Variants in PHACTR2 observed in about 807,000 individuals in gnomAD.
PHACTR2 encodes phosphatase and actin regulator 2, also known as chromosome 6 open reading frame 56.
In PHACTR2, 30 loss-of-function variants were observed where a neutral mutation model predicts 76.0. The ratio of observed to expected loss-of-function variants is 0.39; its 90% CI spans 0.30 to 0.54. The LOEUF (loss-of-function observed/expected upper bound fraction) is 0.54, where lower values mean the gene tolerates loss of function less well. PHACTR2 is among the 20% of genes least tolerant of loss of function. The probability of loss-of-function intolerance (pLI) is 0.61; values close to 1 mark genes in which losing one functional copy is unlikely to be tolerated. For missense variants in PHACTR2, 696 were observed against 781.1 expected (o/e 0.89, Z 1.30); for synonymous variants, 292 against 292.5 (o/e 1.00, Z 0.02).
In PHACTR2 at chr6:143,585,722, G is replaced by A. The variant is rs1348718262; in HGVS notation, c.217+48515G>A. Among the ~76,000 whole-genome samples the A allele has an allele frequency of 6.6e-6, 1 of 152,216 alleles. No individual in the cohort carries two copies. Among genetic ancestry groups the A allele is most frequent in the Non-Finnish European group, 1.5e-5 (1 of 68,036 alleles). The stretch of plus-strand genomic sequence containing the variant: ...GCTCAAAAAATACCTGTGTGCGAAT[G>A]AACTCTGTGAGCAATTTTGTCCCCC... On this transcript the variant is annotated intron_variant, in intron 1 of 11. Coordinates refer to the PHACTR2 transcript ENST00000367584. This position sits in a 1 kb window ranked among gnomAD's most constrained non-coding sequence, Gnocchi z 5.2.
At chr6:143,635,163 A>T (rs1404404914) in intron 1 of PHACTR2, among the ~76,000 whole-genome samples, 1 of 152,172 alleles carries the variant, frequency 6.6e-6, no homozygotes, top group Non-Finnish European at 1.5e-5. Flanking sequence ...CCCAAATTAG[A>T]TTATACATAT....
intron 9 of PHACTR2, among the ~76,000 whole-genome samples, chr6:143,778,447 A>C (rs1775337911): frequency 1.3e-5 from 2 of 151,054 alleles, no homozygotes; most frequent in Admixed American, 1.3e-4. Flanking sequence ...CTATGGGATC[A>C]CTTTCTTTGG....
Position 143,584,457 on chromosome 6 carries a change from G to A in PHACTR2, c.217+47250G>A, listed in dbSNP as rs113097718. ...AAAGATAAAGAGTGGAACAAACAGCGCCTAATTCAAATAAGGCATCACATT... is the reference window on the plus strand; with the variant it reads ...AAAGATAAAGAGTGGAACAAACAGCACCTAATTCAAATAAGGCATCACATT... On this transcript the variant is annotated intron_variant, in intron 1 of 11. Coordinates refer to the PHACTR2 transcript ENST00000367584. Among the ~76,000 whole-genome samples the A allele has an allele frequency of 9.2e-3, 1,397 of 152,216 alleles. 25 individuals are homozygous for A. Among genetic ancestry groups the A allele is most frequent in the African/African-American group, 0.032 (1,338 of 41,530 alleles).
chr6:143,794,001 T>C lies in PHACTR2; in HGVS notation c.1845+5091T>C, dbSNP rs1333697123. On this transcript the variant is annotated intron_variant, in intron 11 of 12. Coordinates refer to ENST00000440869, the MANE Select transcript of PHACTR2 (RefSeq NM_001100164.2). This position sits in a 1 kb window ranked among gnomAD's most constrained non-coding sequence, Gnocchi z 4.1. ...ATTTAAGATGTTTATGTGTAGTATA[T>C]TGTATATACACAAGTGATGAATATT... 6.6e-6 allele frequency among the ~76,000 whole-genome samples: 1 copy of C among 152,034 alleles called. No homozygotes were observed. The highest frequency in any genetic ancestry group is 1.9e-4 in the East Asian group (1 of 5,202).
chr6:143,606,794 A>T (rs1351932822), upstream of PHACTR2, among the ~76,000 whole-genome samples: 2 of 152,208 alleles, frequency 1.3e-5, no homozygotes, highest in Non-Finnish European at 1.5e-5. Context: ...TTAAAAATAT[A>T]TAAAGATGAT....
chr6:143,597,625 A>G lies in PHACTR2; in HGVS notation c.217+60418A>G, dbSNP rs1488153978. On this transcript the variant is annotated intron_variant, in intron 1 of 11. Transcript: ENST00000367584. This position sits in a 1 kb window ranked among gnomAD's most constrained non-coding sequence, Gnocchi z 5.7. ...AGCCAGTGATAAAAGGATTAAGGAGATCTGATTCCCCCTTCAAACAATACA... is the reference window on the plus strand; with the variant it reads ...AGCCAGTGATAAAAGGATTAAGGAGGTCTGATTCCCCCTTCAAACAATACA... 6.6e-6 allele frequency among the ~76,000 whole-genome samples: 1 copy of G among 152,018 alleles called. No individual in the cohort carries two copies. The highest frequency in any genetic ancestry group is 2.4e-5 in the African/African-American group (1 of 41,368).
rs1335528010 is a variant in PHACTR2, at chr6:143,585,101, G to A, written c.217+47894G>A. On this transcript the variant is annotated intron_variant, in intron 1 of 11. Coordinates refer to the PHACTR2 transcript ENST00000367584. The surrounding 1 kb of genome is among the most constrained non-coding windows in gnomAD (Gnocchi z 5.2). ...GCAGCAATTATGGAGTTGTTGACGG[G>A]CAGGACCAAGGCCTGGCAGTAGACC... 6.6e-6 allele frequency among the ~76,000 whole-genome samples: 1 copy of A among 152,176 alleles called. No homozygotes were observed. Among genetic ancestry groups the A allele is most frequent in the Non-Finnish European group, 1.5e-5 (1 of 68,036 alleles).
At position 143,783,165 on chromosome 6, in the gene PHACTR2, A is replaced by G; in HGVS notation, c.1646-54A>G. ...ATCGTGGCCTGATACACTTTTCTGA[A>G]TATGAAATCATCTATAGTAACTGTC... On this transcript the variant is annotated intron_variant, in intron 9 of 12. Coordinates refer to ENST00000440869, the MANE Select transcript of PHACTR2 (RefSeq NM_001100164.2). The surrounding 1 kb of genome is among the most constrained non-coding windows in gnomAD (Gnocchi z 5.2). 2 of 1,086,276 alleles carry G rather than the reference A, an allele frequency of 1.8e-6. No homozygotes were observed. The highest frequency in any genetic ancestry group is 1.4e-6 in the Non-Finnish European group (1 of 710,112). The allele number at this position is 1,086,276 out of a possible 1,614,324, so 67.3% of individuals were successfully genotyped here. A position where few individuals can be genotyped will look rare whatever the true frequency, so the allele number is the denominator to read the frequency against.
chr6:143,644,840 CTG>C (rs1776630393), intron 1 of PHACTR2, among the ~76,000 whole-genome samples: 2 of 148,048 alleles, frequency 1.4e-5, no homozygotes, highest in Admixed American at 1.4e-4. Flanking sequence ...AATTTTATGT[CTG>C]TAGGCTATTG....
At chr6:143,746,835 TA>T (rs5880572) in intron 2 of PHACTR2, among the ~76,000 whole-genome samples, 623 of 143,262 alleles carry the variant, frequency 4.3e-3, no homozygotes, top group East Asian at 0.013. Flanking sequence ...ACACCCAGTT[TA>T]AAAAAAAAAA....
rs373548332 is a variant in PHACTR2, at chr6:143,783,326, A to G, written c.1707+46A>G. 198 of 1,129,382 alleles carry G rather than the reference A, an allele frequency of 1.8e-4. No individual in the cohort carries two copies. The highest frequency in any genetic ancestry group is 2.2e-4 in the Non-Finnish European group (169 of 751,688). The allele number at this position is 1,129,382 out of a possible 1,614,324, so 70.0% of individuals were successfully genotyped here. ...AATGAGCATATGTGTTTTGAGATAT[A>G]CTTTTAAAAAAAAATACTAATCCTC... is the stretch of plus-strand genomic sequence containing the variant. On this transcript the variant is annotated intron_variant, in intron 10 of 12. Coordinates refer to ENST00000440869, the MANE Select transcript of PHACTR2 (RefSeq NM_001100164.2). The surrounding 1 kb of genome is among the most constrained non-coding windows in gnomAD (Gnocchi z 5.2).
At chr6:143,567,979 A>G (rs1223689550) in intron 1 of PHACTR2, among the ~76,000 whole-genome samples, 2 of 152,212 alleles carry the variant, frequency 1.3e-5, no homozygotes, top group South Asian at 2.1e-4. Flanking sequence ...GAATTTTGGT[A>G]TAGTCGCTAT....
upstream of PHACTR2, among the ~76,000 whole-genome samples, chr6:143,673,374 A>G (rs1006945989): frequency 1.5e-4 from 23 of 152,088 alleles, no homozygotes; most frequent in African/African-American, 4.3e-4. Flanking sequence ...AGGAGATAAC[A>G]TAAATGCTTA....
At chr6:143,636,288 T>C (rs1776452908) in intron 1 of PHACTR2, among the ~76,000 whole-genome samples, 1 of 152,090 alleles carries the variant, frequency 6.6e-6, no homozygotes. Context: ...GCATGAAAGG[T>C]TATATATATT....
rs1052673451 is a variant in PHACTR2 at position 143,647,765 on chromosome 6, T to A, written c.13+39443T>A. On this transcript the variant is annotated intron_variant, in intron 1 of 11. Coordinates refer to the PHACTR2 transcript ENST00000305766. This position sits in a 1 kb window ranked among gnomAD's most constrained non-coding sequence, Gnocchi z 4.2. Reference sequence around the variant, plus strand: ...AAAGAACAGCAAGTGCACAGCCCCCTGTGCTGGGAATAGGCTTGTGTCTGA... The same window carrying A: ...AAAGAACAGCAAGTGCACAGCCCCCAGTGCTGGGAATAGGCTTGTGTCTGA... 6.6e-6 allele frequency among the ~76,000 whole-genome samples: 1 copy of A among 152,082 alleles called. No homozygotes were observed. Among genetic ancestry groups the A allele is most frequent in the Non-Finnish European group, 1.5e-5 (1 of 68,010 alleles).
rs750514029 is a variant in PHACTR2, at chr6:143,760,548, TG to T, written c.603del (p.Pro202LeufsTer85). The T allele has an allele frequency of 6.2e-7, 1 of 1,613,772 alleles. No homozygotes were observed. The highest frequency in any genetic ancestry group is 8.5e-7 in the Non-Finnish European group (1 of 1,179,836). The stretch of plus-strand genomic sequence containing the variant: ...GGGGCCAGCCACAAAGGTGATGAAG[TG>T]CCTCCCATTAAAAAAAATACCAAGG... The part of the protein sequence containing the change: ...TAGASHKGDE[V>X]PPIKKNTKAP... On this transcript the variant is annotated frameshift_variant, in exon 5 of 13. Coordinates refer to ENST00000440869, the MANE Select transcript of PHACTR2 (RefSeq NM_001100164.2). LOFTEE classifies it high-confidence loss of function. The surrounding 1 kb of genome is among the most constrained non-coding windows in gnomAD (Gnocchi z 6.4).
intron 1 of PHACTR2, among the ~76,000 whole-genome samples, chr6:143,584,928 G>C (rs149307923): frequency 1.3e-5 from 2 of 149,898 alleles, no homozygotes; most frequent in Non-Finnish European, 1.5e-5. Flanking sequence ...GAGTTTCCCT[G>C]ATGCTGGCAT....
In PHACTR2 at chr6:143,636,106, T is replaced by G. The variant is rs190257593; in HGVS notation, c.13+27784T>G. Among the ~76,000 whole-genome samples, 236 of 108,572 alleles carry G rather than the reference T, an allele frequency of 2.2e-3. 1 individual carries two copies. Among genetic ancestry groups the G allele is most frequent in the African/African-American group, 7.9e-3 (203 of 25,632 alleles). 71.2% of individuals were successfully genotyped at this position (108,572 alleles called of 152,430 possible). On this transcript the variant is annotated intron_variant, in intron 1 of 11. Transcript: ENST00000305766. ...GGTACACACCTGTAGTCCCAGCTAG[T>G]CAGGAGGCTGAGGCAGGAGAATCTT... is the stretch of plus-strand genomic sequence containing the variant.
In PHACTR2 at chr6:143,556,760, G is replaced by T. The variant is rs189211696; in HGVS notation, c.217+19553G>T. On this transcript the variant is annotated intron_variant, in intron 1 of 11. Transcript: ENST00000367584. This position sits in a 1 kb window ranked among gnomAD's most constrained non-coding sequence, Gnocchi z 4.3. ...AGGACCACAGCGACGCATCACCATG[G>T]AATTTTCAGACTCAACGCACTGGCC... Among the ~76,000 whole-genome samples the T allele has an allele frequency of 6.6e-6, 1 of 152,272 alleles. No individual in the cohort carries two copies. The highest frequency in any genetic ancestry group is 1.5e-5 in the Non-Finnish European group (1 of 68,014).
Sources: gnomAD v4.1 joint callset for allele counts (sites outside exome capture counted in the v4.1 genomes callset) on GRCh38, gnomAD v4.1.1 for gene constraint, Gnocchi (gnomAD v3.1) non-coding constraint, MANE v1.5 for transcripts, NCBI Gene and HGNC (gene_info 2026-07-23, HGNC 2026-07-21) for gene names.